TFDP2: variants seen among roughly 807,000 people sequenced by gnomAD.
TFDP2 encodes transcription factor Dp-2, also known as transcription factor Dp-2 (E2F dimerization partner 2).
TFDP2 carries 17 observed loss-of-function variants against 59.3 expected under a neutral mutation model. The ratio of observed to expected loss-of-function variants is 0.29; its 90% CI spans 0.20 to 0.43. TFDP2 has a LOEUF of 0.43. Among genes scored for constraint, TFDP2 ranks in the 20% least tolerant of loss-of-function variants. The pLI is 1.00. For missense variants in TFDP2, 391 were observed against 528.8 expected (o/e 0.74, Z 2.56); for synonymous variants, 180 against 194.7 (o/e 0.92, Z 0.63).
chr3:141,953,839 T>C (rs1936226788), intron 11 of TFDP2, among the ~76,000 whole-genome samples: 1 of 141,506 alleles, frequency 7.1e-6, no homozygotes, highest in Non-Finnish European at 1.5e-5. Flanking sequence ...GTCATGTTTT[T>C]AATGAGGCAG....
chr3:142,021,965 C>T (rs1473938088), intron 3 of TFDP2, among the ~76,000 whole-genome samples: 1 of 152,102 alleles, frequency 6.6e-6, no homozygotes, highest in African/African-American at 2.4e-5. Context: ...AAAATATGTC[C>T]TTTTGAAATC....
intron 3 of TFDP2, among the ~76,000 whole-genome samples, chr3:142,006,927 C>T (rs1179313655): frequency 2.0e-5 from 3 of 152,124 alleles, no homozygotes; most frequent in Non-Finnish European, 4.4e-5. Context: ...CAGGCACCTG[C>T]CATCATGCCT....
At position 141,978,815 on chromosome 3, in the gene TFDP2, A is replaced by T. The variant is rs553198132; in HGVS notation, c.357-133T>A. On this transcript the variant is annotated intron_variant, in intron 6 of 12. Transcript: ENST00000489671. ...TGTCAAAAATTTAAATTGAATAGAGATGAGAAAATGTTTATTTAAACTTAC... is the reference window on the plus strand; with the variant it reads ...TGTCAAAAATTTAAATTGAATAGAGTTGAGAAAATGTTTATTTAAACTTAC... The T allele has an allele frequency of 5.1e-4, 328 of 642,198 alleles. 4 individuals are homozygous for T. In the South Asian group the frequency reaches 9.2e-3, roughly 18 times the overall value. The allele number at this position is 642,198 out of a possible 1,614,324, so 39.8% of individuals were successfully genotyped here.
At position 141,951,644 on chromosome 3, in the gene TFDP2, GTTTC is replaced by G. The variant is rs1436980849; in HGVS notation, c.*865_*868del. The G allele has an allele frequency of 3.3e-5, 5 of 152,656 alleles. No individual in the cohort carries two copies. The highest frequency in any genetic ancestry group is 4.1e-4 in the South Asian group (2 of 4,824). The allele number at this position is 152,656 out of a possible 1,614,324, so 9.5% of individuals were successfully genotyped here. On this transcript the variant is annotated 3_prime_UTR_variant, in exon 13 of 13. Transcript: ENST00000489671. ...GCAAGCAATTTGGTCATAGGAATTTGTTTCTTTGTCTTGTTTTAAATGAAAAAGC... is the reference window on the plus strand; with the variant it reads ...GCAAGCAATTTGGTCATAGGAATTTGTTTGTCTTGTTTTAAATGAAAAAGC...
chr3:142,093,993 A>G (rs1292432591), intron 2 of TFDP2: 1 of 503,472 alleles, frequency 2.0e-6, no homozygotes, highest in Non-Finnish European at 3.9e-6. Context: ...ACCCACAGCA[A>G]GTATTTATGA....
chr3:142,083,102 T>C (rs1438696470), intron 3 of TFDP2, among the ~76,000 whole-genome samples: 1 of 152,124 alleles, frequency 6.6e-6, no homozygotes, highest in East Asian at 1.9e-4. Context: ...AGATAATATA[T>C]TACATTTTGA....
chr3:141,953,027 A>C lies in TFDP2; in HGVS notation c.1052-11T>G, dbSNP rs760498248. The C allele has an allele frequency of 2.6e-5, 42 of 1,597,630 alleles. No individual in the cohort carries two copies. The highest frequency in any genetic ancestry group is 3.3e-5 in the Non-Finnish European group (38 of 1,166,098). ...GTCCTGTGGAGATATCTAAAGGAAA[A>C]AATGAGAACAAAAAATGTCGGTCCT... On this transcript the variant is annotated splice_polypyrimidine_tract_variant and intron_variant, in intron 11 of 12. Coordinates refer to ENST00000489671, the MANE Select transcript of TFDP2 (RefSeq NM_001178139.2).
chr3:141,992,077 A>AGAAGGAAG (rs33991863), intron 6 of TFDP2, among the ~76,000 whole-genome samples: 3 of 145,900 alleles, frequency 2.1e-5, no homozygotes, highest in Middle Eastern at 3.2e-3. Flanking sequence ...AAAGAAAGAA[A>AGAAGGAAG]GAAGGAAGGA....
chr3:141,954,456 G>C (rs915652673), intron 11 of TFDP2, among the ~76,000 whole-genome samples: 4 of 151,870 alleles, frequency 2.6e-5, no homozygotes, highest in Non-Finnish European at 5.9e-5. Context: ...GGCAAATATA[G>C]CAAAGCCCCA....
At position 141,950,524 on chromosome 3, in the gene TFDP2, T is replaced by C. The variant is rs1027165031; in HGVS notation, c.*1989A>G. 6.5e-6 allele frequency: 1 copy of C among 152,678 alleles called. No homozygotes were observed. The highest frequency in any genetic ancestry group is 1.5e-5 in the Non-Finnish European group (1 of 68,058). 9.5% of individuals were successfully genotyped at this position (152,678 alleles called of 1,614,324 possible). ...CCAAGAACTCTGGCAAGAATGTTGC[T>C]ACTTGGTGAAGGAATGGTTATCATT... On this transcript the variant is annotated 3_prime_UTR_variant, in exon 13 of 13. Coordinates refer to ENST00000489671, the MANE Select transcript of TFDP2 (RefSeq NM_001178139.2).
At chr3:141,986,639 T>C (rs954479457) in intron 6 of TFDP2, among the ~76,000 whole-genome samples, 8 of 152,220 alleles carry the variant, frequency 5.3e-5, no homozygotes, top group Admixed American at 4.6e-4. Context: ...TTGGTGAATG[T>C]GTGCACAAAT....
chr3:142,001,397 T>C (rs1943754113), intron 4 of TFDP2, among the ~76,000 whole-genome samples: 9 of 152,188 alleles, frequency 5.9e-5, no homozygotes, highest in Admixed American at 5.9e-4. Flanking sequence ...CAGGGTTTCA[T>C]TAGCGCCTGA....
intron 3 of TFDP2, among the ~76,000 whole-genome samples, chr3:142,011,530 T>C (rs895414812): frequency 2.3e-5 from 3 of 132,690 alleles, no homozygotes; most frequent in African/African-American, 8.6e-5. Flanking sequence ...GCATGGCACA[T>C]GTATACATAT....
intron 1 of TFDP2, among the ~76,000 whole-genome samples, chr3:142,148,963 G>C (rs1233879721): frequency 6.6e-6 from 1 of 152,208 alleles, no homozygotes; most frequent in Admixed American, 6.5e-5. Flanking sequence ...CCCCCGATTT[G>C]CTCTATGCAC....
chr3:141,978,387 A>G, intron 7 of TFDP2, 133 bp downstream of exon 7: 1 of 969,934 alleles, frequency 1.0e-6, no homozygotes, highest in South Asian at 2.5e-5. Flanking sequence ...AAAACTCAAC[A>G]ACAACAAAAA....
At chr3:142,002,010 TC>T (rs1391887461) in intron 4 of TFDP2, among the ~76,000 whole-genome samples, 1 of 144,740 alleles carries the variant, frequency 6.9e-6, no homozygotes, top group Non-Finnish European at 1.5e-5. Flanking sequence ...TTTTTTTTTG[TC>T]TGAGACAAAG....
intron 1 of TFDP2, among the ~76,000 whole-genome samples, chr3:142,105,473 T>G (rs189138131): frequency 6.6e-6 from 1 of 152,220 alleles, no homozygotes; most frequent in South Asian, 2.1e-4. Flanking sequence ...ACCCTTTGTG[T>G]TTTTTTGTGC....
At chr3:142,050,067 T>C (rs899821779) in intron 3 of TFDP2, among the ~76,000 whole-genome samples, 1 of 149,940 alleles carries the variant, frequency 6.7e-6, no homozygotes, top group Non-Finnish European at 1.5e-5. Flanking sequence ...AGGTCAGGAG[T>C]TCGAGCCTGG....
At chr3:141,963,095 G>A (rs1937541038) in intron 10 of TFDP2, among the ~76,000 whole-genome samples, 1 of 152,032 alleles carries the variant, frequency 6.6e-6, no homozygotes, top group Non-Finnish European at 1.5e-5. Flanking sequence ...AGCCATAAGC[G>A]GTACATGGAT....
Sources: allele counts gnomAD v4.1 joint callset (sites outside exome capture counted in the v4.1 genomes callset), GRCh38; gene constraint gnomAD v4.1.1; transcripts MANE v1.5; gene names NCBI Gene and HGNC (gene_info 2026-07-23, HGNC 2026-07-21).